CTDSPL2: variants seen among roughly 807,000 people sequenced by gnomAD.
CTDSPL2 encodes CTD small phosphatase like 2, also known as CTD small phosphatase-like protein 2.
In CTDSPL2, 5 loss-of-function variants were observed where a neutral mutation model predicts 60.0. The observed-to-expected ratio is 0.08, with a 90% CI of 0.04 to 0.18. The LOEUF is 0.18. Ranked by LOEUF, CTDSPL2 falls within the 10% of genes least tolerant of loss-of-function variation. The pLI is 1.00. For synonymous variants in CTDSPL2, 186 were observed against 189.3 expected (o/e 0.98, Z 0.14); for missense variants, 370 against 548.8 (o/e 0.67, Z 3.26).
chr15:44,488,871 T>G (rs148487462), intron 4 of CTDSPL2, among the ~76,000 whole-genome samples: 4,036 of 152,160 alleles, frequency 0.027, 91 homozygotes, highest in East Asian at 0.098. Context: ...TATTTTCCCC[T>G]CATGCTGAAG....
intron 5 of CTDSPL2, among the ~76,000 whole-genome samples, chr15:44,494,896 A>G (rs1356476583): frequency 6.6e-6 from 1 of 152,218 alleles, no homozygotes; most frequent in Non-Finnish European, 1.5e-5. Flanking sequence ...AGCCTGGGCA[A>G]CAGATTGAGA....
Position 44,427,809 on chromosome 15 carries a change from A to G in CTDSPL2, c.-25+37A>G, listed in dbSNP as rs74658224. On this transcript the variant is annotated intron_variant, in intron 1 of 12. Coordinates refer to ENST00000260327, the MANE Select transcript of CTDSPL2 (RefSeq NM_016396.3). The stretch of plus-strand genomic sequence containing the variant: ...CGTCCAGACGCCGCCGCTGCTTCCA[A>G]TCTCAGTCCTCCTCCTCTTCCAGGG... 2.8e-3 allele frequency: 1,106 copies of G among 397,752 alleles called. 23 individuals are homozygous for G. The East Asian group carries it at 0.036, about 13-fold the overall frequency. 24.6% of individuals were successfully genotyped at this position (397,752 alleles called of 1,614,324 possible).
chr15:44,505,635 G>T (rs1195824404), intron 8 of CTDSPL2, among the ~76,000 whole-genome samples: 1 of 151,758 alleles, frequency 6.6e-6, no homozygotes, highest in African/African-American at 2.4e-5. Flanking sequence ...TCGGGAGGCT[G>T]AGACGGGAGA....
chr15:44,486,688 G>A lies in CTDSPL2; in HGVS notation c.463G>A (p.Ala155Thr). 2 of 1,576,244 alleles carry A rather than the reference G, an allele frequency of 1.3e-6. No homozygotes were observed. Among genetic ancestry groups the A allele is most frequent in the African/African-American group, 1.4e-5 (1 of 72,482 alleles). The change falls in exon 4 of 13, where the codon GCA (alanine) becomes ACA (threonine). Residue 155 changes from alanine (A) to threonine (T), a missense_variant. Around this residue, in one of 6 missense-constraint regions of CTDSPL2, gnomAD observed 287 missense variants for 296.1 expected, o/e 0.97. Transcript: ENST00000260327. ...ACCTGTCTTCAACTTTTTTTCACCA[G>A]CAAATAAAAATGGTAAGTATAAACT... ...FSPVFNFFSP[A>T]NKNGTSGSDS... is the part of the protein sequence containing the mutation.
chr15:44,521,430 G>C (rs773426631), intron 12 of CTDSPL2, 24 bp downstream of exon 12: 1 of 1,284,822 alleles, frequency 7.8e-7, no homozygotes, highest in South Asian at 1.3e-5. Context: ...ATCTTTTTCT[G>C]TTGTGTTTTT....
chr15:44,472,902 C>T (rs1053130194), intron 2 of CTDSPL2, among the ~76,000 whole-genome samples: 16 of 152,174 alleles, frequency 1.1e-4, no homozygotes, highest in Admixed American at 6.5e-5. Context: ...CTCAGGTGAC[C>T]CGCCTGCCTT....
chr15:44,511,724 C>A (rs1020177599), intron 8 of CTDSPL2, among the ~76,000 whole-genome samples: 1 of 151,682 alleles, frequency 6.6e-6, no homozygotes, highest in African/African-American at 2.4e-5. Flanking sequence ...AAAAATGAGC[C>A]GGATGTGGTG....
intron 2 of CTDSPL2, among the ~76,000 whole-genome samples, chr15:44,465,921 G>A (rs1334231546): frequency 1.3e-5 from 2 of 148,582 alleles, no homozygotes; most frequent in East Asian, 4.0e-4. Context: ...CACCATATTG[G>A]CCAGGCTGGT....
intron 1 of CTDSPL2, chr15:44,448,183 G>A (rs2080258228): frequency 7.5e-6 from 2 of 267,080 alleles, no homozygotes; most frequent in East Asian, 1.1e-4. Context: ...ATGGTCAATG[G>A]GAGCAGCTGT....
intron 8 of CTDSPL2, among the ~76,000 whole-genome samples, chr15:44,504,073 T>C (rs2081419397): frequency 6.6e-6 from 1 of 152,020 alleles, no homozygotes; most frequent in South Asian, 2.1e-4. Context: ...TAGAACCAGG[T>C]GCAGTGGCTC....
intron 7 of CTDSPL2, among the ~76,000 whole-genome samples, chr15:44,499,203 G>A (rs565180772): frequency 3.3e-5 from 5 of 152,126 alleles, no homozygotes; most frequent in African/African-American, 7.2e-5. Context: ...TCAGGAGTTC[G>A]AGACCAGCCT....
At chr15:44,473,904 C>G (rs74652415) in intron 2 of CTDSPL2, among the ~76,000 whole-genome samples, 1,605 of 152,114 alleles carry the variant, frequency 0.011, 40 homozygotes, top group African/African-American at 0.037. Flanking sequence ...TGTTTTTAAC[C>G]TGCATTGTTT....
chr15:44,479,407 CTTTTT>C (rs11414036), intron 2 of CTDSPL2, among the ~76,000 whole-genome samples: 295 of 97,882 alleles, frequency 3.0e-3, no homozygotes, highest in African/African-American at 0.012. Flanking sequence ...ATTTTCTTTC[CTTTTT>C]TTTTTTTTTT....
At chr15:44,445,071 C>G (rs1237898336) in intron 1 of CTDSPL2, among the ~76,000 whole-genome samples, 1 of 151,506 alleles carries the variant, frequency 6.6e-6, no homozygotes. Context: ...GTCTCGATCT[C>G]CAGACCTTGT....
At chr15:44,471,843 A>G (rs1012073921) in intron 2 of CTDSPL2, among the ~76,000 whole-genome samples, 24 of 152,148 alleles carry the variant, frequency 1.6e-4, no homozygotes, top group African/African-American at 5.8e-4. Flanking sequence ...TATTTTGGAC[A>G]TTTCATGTAA....
At chr15:44,456,180 C>T (rs149222542) in intron 1 of CTDSPL2, among the ~76,000 whole-genome samples, 2,834 of 152,262 alleles carry the variant, frequency 0.019, 37 homozygotes, top group Middle Eastern at 0.044. Context: ...CAATGTTCAT[C>T]AAGGATATTG....
chr15:44,491,073 T>A, intron 5 of CTDSPL2, 74 bp downstream of exon 5: 1 of 1,152,550 alleles, frequency 8.7e-7, no homozygotes, highest in Non-Finnish European at 1.3e-6. Context: ...TATTTTTTCT[T>A]AAATGAGCAC....
chr15:44,474,203 G>A lies in CTDSPL2; in HGVS notation c.187-10021G>A, dbSNP rs529284585. Among the ~76,000 whole-genome samples, 15 of 152,308 alleles carry A rather than the reference G, an allele frequency of 9.8e-5. No individual in the cohort carries two copies. In the East Asian group the frequency reaches 2.1e-3, roughly 22 times the overall value. The stretch of plus-strand genomic sequence containing the variant: ...CAAGAACTTTCTTGGGGCCAGGTGC[G>A]GTAGCTCACGCCTGTAACGCCTGTA... On this transcript the variant is annotated intron_variant, in intron 2 of 12. Transcript: ENST00000260327.
At chr15:44,432,065 G>A (rs938747809) in intron 1 of CTDSPL2, among the ~76,000 whole-genome samples, 2 of 151,926 alleles carry the variant, frequency 1.3e-5, no homozygotes, top group Non-Finnish European at 2.9e-5. Context: ...ATTAGAAGGG[G>A]TGTAGAATAT....
Sources: allele counts gnomAD v4.1 joint callset (sites outside exome capture counted in the v4.1 genomes callset), GRCh38; gene constraint gnomAD v4.1.1; regional missense constraint gnomAD v4.1.1; transcripts MANE v1.5; gene names NCBI Gene and HGNC (gene_info 2026-07-23, HGNC 2026-07-21).